The following SH3D19 variants were observed in gnomAD, a reference collection of about 807,000 sequenced individuals.
SH3D19 encodes the protein SH3 domain containing 19, also known as SH3 domain-containing protein 19.
A neutral mutation model predicts 112.1 loss-of-function variants in SH3D19; 58 were observed. The ratio of observed to expected loss-of-function variants is 0.52; its 90% CI spans 0.42 to 0.64. The LOEUF is 0.64. Ranked by LOEUF, SH3D19 falls within the 30% of genes least tolerant of loss-of-function variation. The pLI is 0.00. For missense variants in SH3D19, 1,090 were observed against 1,263.4 expected, an observed-to-expected ratio of 0.86 and a Z score of 2.08; for synonymous variants, 391 against 448.5, an observed-to-expected ratio of 0.87 and a Z score of 1.62.
intron 1 of SH3D19, among the ~76,000 whole-genome samples, chr4:151,297,492 A>T (rs770748107): frequency 6.6e-5 from 10 of 152,230 alleles, no homozygotes; most frequent in Non-Finnish European, 1.5e-4. Flanking sequence ...TTTAGTGAAA[A>T]TTAGTGAGAA....
At chr4:151,160,036 G>GT (rs1756858207) in intron 8 of SH3D19, among the ~76,000 whole-genome samples, 1 of 135,764 alleles carries the variant, frequency 7.4e-6, no homozygotes, top group Non-Finnish European at 1.5e-5. Context: ...TTCTTAATAG[G>GT]TGGTGTATCC....
intron 1 of SH3D19, among the ~76,000 whole-genome samples, chr4:151,322,431 TAAAAA>T (rs57301959): frequency 5.2e-5 from 2 of 38,416 alleles, no homozygotes; most frequent in Non-Finnish European, 1.1e-4. Flanking sequence ...AGACTCTGCC[TAAAAA>T]AAAAAAAAAA....
chr4:151,179,826 T>C (rs1385482830), intron 3 of SH3D19, among the ~76,000 whole-genome samples: 1 of 152,256 alleles, frequency 6.6e-6, no homozygotes. Flanking sequence ...AGAATGAAAC[T>C]GGTCAAATTT....
chr4:151,250,605 C>T (rs1178813807), intron 1 of SH3D19, among the ~76,000 whole-genome samples: 2 of 152,012 alleles, frequency 1.3e-5, no homozygotes, highest in Admixed American at 6.6e-5. Context: ...TCTATTTTAC[C>T]TTATACATTT....
intron 13 of SH3D19, among the ~76,000 whole-genome samples, chr4:151,139,302 G>A (rs1478556780): frequency 2.0e-5 from 3 of 151,840 alleles, no homozygotes; most frequent in Admixed American, 6.6e-5. Flanking sequence ...ACAGGCGCCC[G>A]CCACTACGCC....
At chr4:151,190,795 C>A (rs1197923956) in intron 2 of SH3D19, among the ~76,000 whole-genome samples, 1 of 152,152 alleles carries the variant, frequency 6.6e-6, no homozygotes, top group African/African-American at 2.4e-5. Flanking sequence ...GGGGTCGGAG[C>A]CCCAACACAG....
chr4:151,168,558 CTGAG>C (rs1313909736), intron 7 of SH3D19, among the ~76,000 whole-genome samples: 1 of 152,036 alleles, frequency 6.6e-6, no homozygotes, highest in Non-Finnish European at 1.5e-5. Flanking sequence ...CCTCAGCCTC[CTGAG>C]TATCTGGTAC....
At chr4:151,164,387 A>G (rs1757636826) in intron 8 of SH3D19, among the ~76,000 whole-genome samples, 1 of 152,136 alleles carries the variant, frequency 6.6e-6, no homozygotes, top group Non-Finnish European at 1.5e-5. Flanking sequence ...ACACCCTTTT[A>G]ATCACAGTTT....
chr4:151,310,792 G>A (rs575539179), intron 1 of SH3D19, among the ~76,000 whole-genome samples: 2 of 151,200 alleles, frequency 1.3e-5, no homozygotes, highest in East Asian at 3.9e-4. Flanking sequence ...GGCTGGTCTC[G>A]AACTCCTGAC....
At chr4:151,133,293 A>T (rs1346615800) in intron 15 of SH3D19, 57 bp from the exon 16 acceptor site, 19 of 1,410,116 alleles carry the variant, frequency 1.3e-5, no homozygotes, top group Non-Finnish European at 1.9e-5. Context: ...AAATGCTTAA[A>T]AACCTTCATT....
At chr4:151,233,985 A>G (rs987933012) in intron 1 of SH3D19, among the ~76,000 whole-genome samples, 5 of 152,172 alleles carry the variant, frequency 3.3e-5, no homozygotes, top group Non-Finnish European at 7.3e-5. Flanking sequence ...TGCATCCTTT[A>G]TGCTGTAGTT....
At chr4:151,128,814 T>A (rs772732536) in intron 17 of SH3D19, among the ~76,000 whole-genome samples, 37 of 152,186 alleles carry the variant, frequency 2.4e-4, no homozygotes, top group Middle Eastern at 3.4e-3. Context: ...TATTTAATTT[T>A]ATTTTATTTT....
intron 1 of SH3D19, among the ~76,000 whole-genome samples, chr4:151,316,813 T>C (rs1561455820): frequency 6.6e-6 from 1 of 152,214 alleles, no homozygotes; most frequent in Non-Finnish European, 1.5e-5. Context: ...CAGCTGCTTC[T>C]AAACAAGGGG....
intron 19 of SH3D19, among the ~76,000 whole-genome samples, chr4:151,124,227 C>A (rs1748666631): frequency 6.6e-6 from 1 of 152,002 alleles, no homozygotes; most frequent in African/African-American, 2.4e-5. Context: ...CTGCCTCAGC[C>A]TCCTGAGTAG....
At chr4:151,222,566 C>A (rs184952242) in intron 2 of SH3D19, among the ~76,000 whole-genome samples, 43 of 151,754 alleles carry the variant, frequency 2.8e-4, no homozygotes, top group African/African-American at 1.0e-3. Context: ...AAATTATCCC[C>A]TCCCCAACCT....
At chr4:151,265,949 A>G (rs1772758834) in intron 1 of SH3D19, 1 of 152,122 alleles carries the variant, frequency 6.6e-6, no homozygotes, top group Non-Finnish European at 1.5e-5. Context: ...AATGGGAACT[A>G]TTTTCACTAC....
At chr4:151,203,433 C>A (rs529170227) in intron 2 of SH3D19, among the ~76,000 whole-genome samples, 27 of 152,200 alleles carry the variant, frequency 1.8e-4, no homozygotes, top group Non-Finnish European at 3.1e-4. Context: ...TCCTCAGATT[C>A]TCTGTTATTT....
At chr4:151,223,573 A>T (rs562158111) in intron 2 of SH3D19, among the ~76,000 whole-genome samples, 1 of 152,162 alleles carries the variant, frequency 6.6e-6, no homozygotes, top group Non-Finnish European at 1.5e-5. Context: ...AGTAGGGAAC[A>T]GCATTTATTA....
At chr4:151,202,326 C>T (rs535133074) in intron 2 of SH3D19, among the ~76,000 whole-genome samples, 1 of 152,296 alleles carries the variant, frequency 6.6e-6, no homozygotes, top group East Asian at 1.9e-4. Flanking sequence ...CAGAGCAAGA[C>T]TCCGTCTCAA....
Sources: gnomAD v4.1 joint callset for allele counts (sites outside exome capture counted in the v4.1 genomes callset) on GRCh38, gnomAD v4.1.1 for gene constraint, MANE v1.5 for transcripts, NCBI Gene and HGNC (gene_info 2026-07-23, HGNC 2026-07-21) for gene names.